Variants in RSBN1L observed in about 807,000 individuals in gnomAD.
The protein encoded by RSBN1L is lysine-specific demethylase RSBN1L.
A neutral mutation model predicts 67.7 loss-of-function variants in RSBN1L; 30 were observed. That is an observed-to-expected ratio of 0.44 (90% CI 0.33 to 0.60). The LOEUF (loss-of-function observed/expected upper bound fraction) is 0.60. RSBN1L is among the 20% of genes least tolerant of loss of function. The pLI, the probability that RSBN1L is intolerant of heterozygous loss-of-function variation, is 0.02. For synonymous variants in RSBN1L, 433 were observed against 387.0 expected (o/e 1.12, Z -1.39); for missense variants, 992 against 1,031.7 (o/e 0.96, Z 0.53).
At chr7:77,709,778 C>G (rs944012267) in intron 1 of RSBN1L, among the ~76,000 whole-genome samples, 1 of 152,040 alleles carries the variant, frequency 6.6e-6, no homozygotes, top group Non-Finnish European at 1.5e-5. Flanking sequence ...TGCTAATTGC[C>G]CTGGTATTTT....
intron 2 of RSBN1L, among the ~76,000 whole-genome samples, chr7:77,745,690 A>T (rs546570262): frequency 6.6e-6 from 1 of 152,204 alleles, no homozygotes; most frequent in Non-Finnish European, 1.5e-5. Context: ...GACAGATGGG[A>T]TGGTTTCGGG....
chr7:77,754,016 T>C (rs1489092775), intron 3 of RSBN1L, among the ~76,000 whole-genome samples: 3 of 152,218 alleles, frequency 2.0e-5, no homozygotes, highest in African/African-American at 7.2e-5. Context: ...TGTCTAATTG[T>C]TACAGCTTTA....
chr7:77,708,525 G>A (rs943021235), intron 1 of RSBN1L, among the ~76,000 whole-genome samples: 1 of 152,042 alleles, frequency 6.6e-6, no homozygotes, highest in African/African-American at 2.4e-5. Context: ...GGGACTACAG[G>A]CGTCCGCCAC....
At chr7:77,720,763 CTTTTTTTT>C (rs34070122) in intron 1 of RSBN1L, among the ~76,000 whole-genome samples, 6 of 104,366 alleles carry the variant, frequency 5.7e-5, no homozygotes, top group African/African-American at 1.2e-4. Context: ...TTTTCTTTTT[CTTTTTTTT>C]TTTTTTTTTT....
At chr7:77,742,309 C>G (rs1791424579) in intron 2 of RSBN1L, among the ~76,000 whole-genome samples, 1 of 151,904 alleles carries the variant, frequency 6.6e-6, no homozygotes, top group African/African-American at 2.4e-5. Flanking sequence ...GGTGCAATTT[C>G]TGAAAGAAAC....
chr7:77,743,058 A>AT (rs1791434413), intron 2 of RSBN1L, among the ~76,000 whole-genome samples: 3 of 97,218 alleles, frequency 3.1e-5, no homozygotes, highest in African/African-American at 1.4e-4. Context: ...TTTCCATGGG[A>AT]ATTTTTTTTT....
intron 1 of RSBN1L, among the ~76,000 whole-genome samples, chr7:77,721,992 A>G (rs970455682): frequency 6.6e-6 from 1 of 152,208 alleles, no homozygotes; most frequent in African/African-American, 2.4e-5. Context: ...GGAAAAAAAG[A>G]TGGAAATATT....
chr7:77,782,652 G>C lies in RSBN1L; in HGVS notation c.*3484G>C, dbSNP rs773547830. The C allele has an allele frequency of 6.6e-6, 1 of 152,090 alleles. No homozygotes were observed. Among genetic ancestry groups the C allele is most frequent in the African/African-American group, 2.4e-5 (1 of 41,394 alleles). The allele number at this position is 152,090 out of a possible 1,614,324, so 9.4% of individuals were successfully genotyped here. On this transcript the variant is annotated 3_prime_UTR_variant, in exon 8 of 8. Coordinates refer to ENST00000334955, the MANE Select transcript of RSBN1L (RefSeq NM_198467.3). ...TGCCTGTTTTTGTGTGTGTATGTTT[G>C]TGGGAAATAATTATGTTTGTTTCCG...
intron 2 of RSBN1L, among the ~76,000 whole-genome samples, chr7:77,740,985 C>CTTTTTTTTTTTT (rs869081974): frequency 4.9e-5 from 5 of 102,926 alleles, no homozygotes; most frequent in East Asian, 2.8e-4. Context: ...CTTTTCTTTT[C>CTTTTTTTTTTTT]TTTTTTTTTT....
At chr7:77,757,211 T>G (rs898240572) in intron 3 of RSBN1L, among the ~76,000 whole-genome samples, 1 of 152,266 alleles carries the variant, frequency 6.6e-6, no homozygotes, top group African/African-American at 2.4e-5. Context: ...TTTTTACATC[T>G]GTTCAACTTT....
At chr7:77,723,690 C>T (rs1791153163) in intron 1 of RSBN1L, among the ~76,000 whole-genome samples, 2 of 152,066 alleles carry the variant, frequency 1.3e-5, no homozygotes, top group Non-Finnish European at 2.9e-5. Flanking sequence ...AATCCTAGCA[C>T]TTTGGGAGGC....
chr7:77,752,749 T>A (rs937750672), intron 3 of RSBN1L, among the ~76,000 whole-genome samples: 40 of 152,218 alleles, frequency 2.6e-4, no homozygotes, highest in African/African-American at 9.4e-4. Flanking sequence ...AGCCAAATAT[T>A]GTTAATAGCC....
chr7:77,701,975 G>T (rs562409693), intron 1 of RSBN1L, among the ~76,000 whole-genome samples: 1 of 146,050 alleles, frequency 6.8e-6, no homozygotes. Flanking sequence ...TAAAGTTTTA[G>T]CTTTTGTTTT....
rs1173154183 is a variant in RSBN1L at position 77,739,739 on chromosome 7, C to CTTTTTTTTTTTT, written c.703+3231_703+3242dup. Among the ~76,000 whole-genome samples, 27 of 42,690 alleles carry CTTTTTTTTTTTT rather than the reference C, an allele frequency of 6.3e-4. 4 individuals carry two copies. Among genetic ancestry groups the CTTTTTTTTTTTT allele is most frequent in the African/African-American group, 1.3e-3 (14 of 10,482 alleles). The allele number at this position is 42,690 out of a possible 152,430, so 28.0% of individuals were successfully genotyped here. ...AAAAAAAAAAAAAAAAAAAATGTGT[C>CTTTTTTTTTTTT]TTTTTTTTTTTTTTTTTTTTTTTTT... On this transcript the variant is annotated intron_variant, in intron 2 of 7. Coordinates refer to ENST00000334955, the MANE Select transcript of RSBN1L (RefSeq NM_198467.3).
In RSBN1L at chr7:77,773,229, G is replaced by A; in HGVS notation, c.1708G>A (p.Ala570Thr). 6.2e-6 allele frequency: 10 copies of A among 1,613,622 alleles called. No homozygotes were observed. The highest frequency in any genetic ancestry group is 8.5e-6 in the Non-Finnish European group (10 of 1,179,716). The change falls in exon 6 of 8, where the codon GCT becomes ACT. Residue 570 changes from alanine (A) to threonine (T), a missense_variant. Coordinates refer to ENST00000334955, the MANE Select transcript of RSBN1L (RefSeq NM_198467.3). ...REMLFEDRTRAHADHIGQGFE... is the reference protein window; with the variant it reads ...REMLFEDRTRTHADHIGQGFE... ...GATGCTCTTTGAAGACAGGACAAGA[G>A]CTCATGCAGATCATATAGGACAAGG...
intron 2 of RSBN1L, among the ~76,000 whole-genome samples, chr7:77,741,057 G>A (rs1791403585): frequency 6.7e-6 from 1 of 150,268 alleles, no homozygotes; most frequent in African/African-American, 2.5e-5. Context: ...CACAGTCTGG[G>A]CTCACTGTAA....
intron 2 of RSBN1L, among the ~76,000 whole-genome samples, chr7:77,747,507 G>A (rs2150425020): frequency 6.6e-6 from 1 of 152,180 alleles, no homozygotes; most frequent in South Asian, 2.1e-4. Flanking sequence ...GCTCAAAGGT[G>A]CCCAGGTATA....
chr7:77,718,255 G>A (rs915079984), intron 1 of RSBN1L, among the ~76,000 whole-genome samples: 2 of 152,044 alleles, frequency 1.3e-5, no homozygotes, highest in African/African-American at 4.8e-5. Context: ...TATATATTAA[G>A]CCTTTTTTCT....
At chr7:77,698,046 G>T (rs1790764517) in intron 1 of RSBN1L, among the ~76,000 whole-genome samples, 1 of 152,148 alleles carries the variant, frequency 6.6e-6, no homozygotes, top group African/African-American at 2.4e-5. Flanking sequence ...TTGTTTTTTA[G>T]AAAAAGAAAT....
Sources: allele counts gnomAD v4.1 joint callset (sites outside exome capture counted in the v4.1 genomes callset), GRCh38; gene constraint gnomAD v4.1.1; transcripts MANE v1.5; gene names NCBI Gene and HGNC (gene_info 2026-07-23, HGNC 2026-07-21).